Variants in SV2C observed in about 807,000 individuals in gnomAD.
The protein encoded by SV2C is synaptic vesicle glycoprotein 2C.
In SV2C, 49 loss-of-function variants were observed where a neutral mutation model predicts 79.7. That is an observed-to-expected ratio of 0.61 (90% CI 0.49 to 0.78). The LOEUF (loss-of-function observed/expected upper bound fraction) is 0.78. Among genes scored for constraint, SV2C ranks in the 30% least tolerant of loss-of-function variants. The probability of loss-of-function intolerance (pLI) is 0.00; values close to 1 mark genes in which losing one functional copy is unlikely to be tolerated. For missense variants in SV2C, 833 were observed against 912.9 expected, an observed-to-expected ratio of 0.91 and a Z score of 1.13; for synonymous variants, 334 against 333.2, an observed-to-expected ratio of 1.00 and a Z score of -0.03.
chr5:76,031,830 G>T, the SV2C span, among the ~76,000 whole-genome samples: 2 of 152,192 alleles, frequency 1.3e-5, no homozygotes, highest in Non-Finnish European at 2.9e-5. Flanking sequence ...AACTGGCACA[G>T]AATTGATTTA....
intron 4 of SV2C, among the ~76,000 whole-genome samples, chr5:76,256,030 C>CA (rs1410770217): frequency 1.3e-5 from 2 of 152,036 alleles, no homozygotes; most frequent in African/African-American, 4.8e-5. Flanking sequence ...AAATGCAAGG[C>CA]AAAAAATGCC....
At chr5:76,094,457 T>A (rs558102124) in intron 1 of SV2C, among the ~76,000 whole-genome samples, 1 of 152,350 alleles carries the variant, frequency 6.6e-6, no homozygotes, top group East Asian at 1.9e-4. Context: ...TAACACCGTA[T>A]TTTTGAAAAG....
intron 4 of SV2C, among the ~76,000 whole-genome samples, chr5:76,221,395 C>G (rs1436620240): frequency 6.6e-6 from 1 of 152,156 alleles, no homozygotes; most frequent in African/African-American, 2.4e-5. Flanking sequence ...TTTAGTGCCC[C>G]AAGGGGCTTT....
At position 76,343,005 on chromosome 5, in the gene SV2C, T is replaced by G. The variant is rs552157671; in HGVS notation, c.2001-10125T>G. On this transcript the variant is annotated intron_variant, in intron 12 of 12. Transcript: ENST00000322285. ...TCCCAAAATGCTGAGATTATAGGCGTGAGGCACCGCACCTGGCCCACATTC... is the reference window on the plus strand; with the variant it reads ...TCCCAAAATGCTGAGATTATAGGCGGGAGGCACCGCACCTGGCCCACATTC... Among the ~76,000 whole-genome samples, 11 of 152,054 alleles carry G rather than the reference T, an allele frequency of 7.2e-5. No homozygotes were observed. The East Asian group carries it at 2.1e-3, about 29-fold the overall frequency.
intron 1 of SV2C, among the ~76,000 whole-genome samples, chr5:76,114,674 A>G (rs1406129621): frequency 6.6e-6 from 1 of 152,228 alleles, no homozygotes; most frequent in Non-Finnish European, 1.5e-5. Flanking sequence ...TTTGTGGGCT[A>G]AACCCCAGGG....
intron 4 of SV2C, among the ~76,000 whole-genome samples, chr5:76,260,232 A>G (rs1372726539): frequency 6.6e-6 from 1 of 152,162 alleles, no homozygotes; most frequent in Non-Finnish European, 1.5e-5. Flanking sequence ...TTGGCTGCAT[A>G]AATGTCTTCT....
chr5:76,019,386 T>C, the SV2C span, among the ~76,000 whole-genome samples: 1 of 152,144 alleles, frequency 6.6e-6, no homozygotes, highest in Middle Eastern at 3.2e-3. Flanking sequence ...TAAATGTATG[T>C]GCTCACCCTC....
At chr5:76,058,575 T>G in the SV2C span, among the ~76,000 whole-genome samples, 1 of 152,140 alleles carries the variant, frequency 6.6e-6, no homozygotes, top group South Asian at 2.1e-4. Context: ...CTTATTAGAA[T>G]AGAGACATAG....
chr5:76,167,554 G>A (rs979570670), intron 2 of SV2C, among the ~76,000 whole-genome samples: 9 of 152,214 alleles, frequency 5.9e-5, no homozygotes, highest in Non-Finnish European at 1.3e-4. Flanking sequence ...GTTTTACTGT[G>A]TGCCAGATAC....
chr5:76,219,142 A>G (rs1390611139), intron 4 of SV2C, among the ~76,000 whole-genome samples: 9 of 152,192 alleles, frequency 5.9e-5, no homozygotes, highest in Non-Finnish European at 1.2e-4. Flanking sequence ...CAGGTGGCCC[A>G]GAGCCCTGTC....
At chr5:75,956,929 C>A in the SV2C span, among the ~76,000 whole-genome samples, 2 of 151,908 alleles carry the variant, frequency 1.3e-5, no homozygotes, top group African/African-American at 2.4e-5. Context: ...CATACCTTCC[C>A]TTGTAACTTC....
the SV2C span, among the ~76,000 whole-genome samples, chr5:76,033,601 A>C: frequency 6.6e-6 from 1 of 152,078 alleles, no homozygotes; most frequent in East Asian, 1.9e-4. Flanking sequence ...TGTTCCATTG[A>C]TCTATATCTC....
At chr5:75,920,557 A>G in the SV2C span, 277 of 477,388 alleles carry the variant, frequency 5.8e-4, 1 homozygote, top group East Asian at 5.2e-3. Flanking sequence ...ATAAGAAGCC[A>G]TGGCTGGCTG....
the SV2C span, among the ~76,000 whole-genome samples, chr5:75,971,399 A>G: frequency 6.6e-6 from 1 of 152,290 alleles, no homozygotes; most frequent in South Asian, 2.1e-4. Flanking sequence ...CTGTTTGCAG[A>G]TGACATGATT....
intron 12 of SV2C, among the ~76,000 whole-genome samples, chr5:76,309,916 G>A (rs1748365726): frequency 6.6e-6 from 1 of 152,122 alleles, no homozygotes; most frequent in South Asian, 2.1e-4. Context: ...GGTCAAGAAG[G>A]TAATAAGTTC....
intron 2 of SV2C, among the ~76,000 whole-genome samples, chr5:76,167,186 A>G (rs1426228970): frequency 6.6e-6 from 1 of 152,194 alleles, no homozygotes; most frequent in Admixed American, 6.5e-5. Context: ...TGATTTTAAT[A>G]TGTGAATCTA....
At chr5:76,259,896 G>T (rs2112455039) in intron 4 of SV2C, among the ~76,000 whole-genome samples, 1 of 152,256 alleles carries the variant, frequency 6.6e-6, no homozygotes, top group South Asian at 2.1e-4. Context: ...AAATAGTCCT[G>T]CAATAAACAT....
At chr5:76,221,057 C>T (rs1580363690) in intron 4 of SV2C, among the ~76,000 whole-genome samples, 1 of 152,148 alleles carries the variant, frequency 6.6e-6, no homozygotes, top group Non-Finnish European at 1.5e-5. Flanking sequence ...CTCTGCTGCA[C>T]CATTTCATTC....
At chr5:76,042,635 C>T in the SV2C span, among the ~76,000 whole-genome samples, 1 of 152,150 alleles carries the variant, frequency 6.6e-6, no homozygotes, top group Non-Finnish European at 1.5e-5. Flanking sequence ...AATTTTCATA[C>T]ATCCCTGCAA....
Sources: gnomAD v4.1 joint callset for allele counts (sites outside exome capture counted in the v4.1 genomes callset) on GRCh38, gnomAD v4.1.1 for gene constraint, MANE v1.5 for transcripts, NCBI Gene and HGNC (gene_info 2026-07-23, HGNC 2026-07-21) for gene names.